The following TAFA1 variants were observed in gnomAD, a reference collection of about 807,000 sequenced individuals.
TAFA1 encodes TAFA chemokine like family member 1.
TAFA1 carries 4 observed loss-of-function variants against 18.5 expected under a neutral mutation model. The observed-to-expected ratio is 0.22, with a 90% confidence interval of 0.11 to 0.49. TAFA1 has a LOEUF of 0.49. Ranked by LOEUF, TAFA1 falls within the 20% of genes least tolerant of loss-of-function variation. The pLI, the probability that TAFA1 is intolerant of heterozygous loss-of-function variation, is 0.98. For missense variants in TAFA1, 147 were observed against 169.0 expected (o/e 0.87, Z 0.72); for synonymous variants, 56 against 55.2 (o/e 1.01, Z -0.06).
At chr3:68,343,178 G>A (rs987020102) in intron 2 of TAFA1, among the ~76,000 whole-genome samples, 1 of 152,062 alleles carries the variant, frequency 6.6e-6, no homozygotes, top group Non-Finnish European at 1.5e-5. Context: ...CTAAATTGCT[G>A]GCATTTTAAT....
At chr3:68,075,117 A>G (rs1219425809) in intron 2 of TAFA1, among the ~76,000 whole-genome samples, 1 of 152,174 alleles carries the variant, frequency 6.6e-6, no homozygotes, top group Non-Finnish European at 1.5e-5. Context: ...ACTTTTGCCT[A>G]TTTCTTTTGT....
intron 2 of TAFA1, among the ~76,000 whole-genome samples, chr3:68,246,463 G>C (rs9824986): frequency 6.6e-6 from 1 of 151,406 alleles, no homozygotes; most frequent in South Asian, 2.1e-4. Flanking sequence ...GGTGGCGGGC[G>C]CCTGTAGTCC....
chr3:68,048,433 A>T (rs550164186), intron 2 of TAFA1, among the ~76,000 whole-genome samples: 2 of 152,220 alleles, frequency 1.3e-5, no homozygotes, highest in East Asian at 3.9e-4. Context: ...CACCACAAAC[A>T]TTTATTCTTT....
At chr3:68,139,652 G>C (rs1400450823) in intron 2 of TAFA1, among the ~76,000 whole-genome samples, 1 of 152,150 alleles carries the variant, frequency 6.6e-6, no homozygotes, top group Non-Finnish European at 1.5e-5. Flanking sequence ...TTCGTGACTT[G>C]AATACCCTAA....
At chr3:68,259,057 G>A (rs977412043) in intron 2 of TAFA1, among the ~76,000 whole-genome samples, 4 of 152,146 alleles carry the variant, frequency 2.6e-5, no homozygotes, top group Admixed American at 1.3e-4. Context: ...TGGGGATGTC[G>A]ATAAACCACA....
At chr3:68,299,372 C>G (rs1034067743) in intron 2 of TAFA1, among the ~76,000 whole-genome samples, 1 of 152,174 alleles carries the variant, frequency 6.6e-6, no homozygotes, top group African/African-American at 2.4e-5. Context: ...CTTAAGGTAT[C>G]TAGCAGAAGA....
intron 2 of TAFA1, among the ~76,000 whole-genome samples, chr3:68,137,677 C>A (rs896818854): frequency 6.6e-6 from 1 of 152,124 alleles, no homozygotes; most frequent in African/African-American, 2.4e-5. Context: ...ATATGGACGT[C>A]CTTTGAACCT....
At chr3:68,221,599 G>A (rs2066731561) in intron 2 of TAFA1, among the ~76,000 whole-genome samples, 1 of 152,168 alleles carries the variant, frequency 6.6e-6, no homozygotes, top group South Asian at 2.1e-4. Context: ...CAAACAGATG[G>A]ATACACTAGA....
At chr3:68,290,028 C>T (rs893681165) in intron 2 of TAFA1, among the ~76,000 whole-genome samples, 1 of 152,144 alleles carries the variant, frequency 6.6e-6, no homozygotes, top group Non-Finnish European at 1.5e-5. Flanking sequence ...AAATATAACC[C>T]AGATAATATT....
chr3:68,357,686 T>C (rs1469147036), intron 2 of TAFA1, among the ~76,000 whole-genome samples: 2 of 151,918 alleles, frequency 1.3e-5, no homozygotes, highest in Admixed American at 1.3e-4. Flanking sequence ...TTGTCAACTA[T>C]ATTCTTTCCA....
At position 68,399,912 on chromosome 3, in the gene TAFA1, G is replaced by A. The variant is rs147165680; in HGVS notation, c.119-17368G>A. Among the ~76,000 whole-genome samples the A allele has an allele frequency of 1.8e-4, 27 of 152,244 alleles. No individual in the cohort carries two copies. In the East Asian group the frequency reaches 3.5e-3, roughly 20 times the overall value. On this transcript the variant is annotated intron_variant, in intron 2 of 4. Transcript: ENST00000478136. The stretch of plus-strand genomic sequence containing the variant: ...CACAAGGGCTGGGTTCATCTATACC[G>A]CCTCTCTGCACTGGTCTCCATGTCA...
At chr3:68,035,157 C>T (rs537754134) in intron 2 of TAFA1, among the ~76,000 whole-genome samples, 44 of 152,242 alleles carry the variant, frequency 2.9e-4, no homozygotes, top group Non-Finnish European at 5.4e-4. Context: ...AAACAAAGCA[C>T]CCCTCTGATT....
chr3:68,212,438 A>G (rs1192291046), intron 2 of TAFA1, among the ~76,000 whole-genome samples: 1 of 152,040 alleles, frequency 6.6e-6, no homozygotes, highest in African/African-American at 2.4e-5. Flanking sequence ...GTTAAAAAAT[A>G]GAGGGTCAGT....
chr3:68,331,313 G>A (rs529426028), intron 2 of TAFA1, among the ~76,000 whole-genome samples: 2 of 152,248 alleles, frequency 1.3e-5, no homozygotes, highest in South Asian at 2.1e-4. Flanking sequence ...ACTTCTTGAA[G>A]GGTACAAGTT....
At chr3:68,080,540 CT>C (rs1454462493) in intron 2 of TAFA1, among the ~76,000 whole-genome samples, 1 of 151,994 alleles carries the variant, frequency 6.6e-6, no homozygotes, top group African/African-American at 2.4e-5. Flanking sequence ...ATTTGCTTGT[CT>C]GTAAAGTATT....
intron 2 of TAFA1, among the ~76,000 whole-genome samples, chr3:68,079,948 A>T (rs897080489): frequency 6.6e-6 from 1 of 151,952 alleles, no homozygotes; most frequent in African/African-American, 2.4e-5. Context: ...GTGGGAGTCT[A>T]AGTCTCTTTG....
chr3:68,477,308 A>G (rs1310171609), intron 3 of TAFA1, among the ~76,000 whole-genome samples: 1 of 152,190 alleles, frequency 6.6e-6, no homozygotes, highest in African/African-American at 2.4e-5. Context: ...TATTTTAAAA[A>G]TTTACTCTAC....
chr3:68,008,271 A>C (rs1170273043), intron 2 of TAFA1, among the ~76,000 whole-genome samples: 3 of 152,234 alleles, frequency 2.0e-5, no homozygotes, highest in Non-Finnish European at 4.4e-5. Flanking sequence ...AACAAAAGTG[A>C]ATTTGAGATT....
At chr3:68,068,505 G>C (rs182031005) in intron 2 of TAFA1, among the ~76,000 whole-genome samples, 2 of 152,204 alleles carry the variant, frequency 1.3e-5, no homozygotes, top group East Asian at 3.9e-4. Flanking sequence ...CCTAATTCCT[G>C]TACTTGGGGT....
Sources: allele counts gnomAD v4.1 joint callset (sites outside exome capture counted in the v4.1 genomes callset), GRCh38; gene constraint gnomAD v4.1.1; transcripts MANE v1.5; gene names NCBI Gene and HGNC (gene_info 2026-07-23, HGNC 2026-07-21).